The following BICC1 variants were observed in gnomAD, a reference collection of about 807,000 sequenced individuals.
The protein encoded by BICC1 is protein bicaudal C homolog 1.
BICC1 carries 43 observed loss-of-function variants against 111.0 expected under a neutral mutation model. That is an observed-to-expected ratio of 0.39 (90% CI 0.30 to 0.50). BICC1 has a LOEUF of 0.50. Among genes scored for constraint, BICC1 ranks in the 20% least tolerant of loss-of-function variants. BICC1 has a pLI of 0.88. For missense variants in BICC1, 1,091 were observed against 1,203.2 expected (o/e 0.91, Z 1.38); for synonymous variants, 467 against 434.4 (o/e 1.07, Z -0.93).
chr10:58,799,929 A>G (rs1406826455), intron 12 of BICC1, among the ~76,000 whole-genome samples: 1 of 152,114 alleles, frequency 6.6e-6, no homozygotes, highest in Non-Finnish European at 1.5e-5. Flanking sequence ...GAATCTGTAT[A>G]TTACTTTGGG....
At chr10:58,522,208 T>A (rs1842409616) in intron 1 of BICC1, among the ~76,000 whole-genome samples, 1 of 152,014 alleles carries the variant, frequency 6.6e-6, no homozygotes, top group African/African-American at 2.4e-5. Context: ...GCATTTGGTT[T>A]TCCTGCAGAC....
At chr10:58,698,945 A>G (rs1207352411) in intron 2 of BICC1, among the ~76,000 whole-genome samples, 1 of 152,206 alleles carries the variant, frequency 6.6e-6, no homozygotes, top group African/African-American at 2.4e-5. Flanking sequence ...ATGATGAACA[A>G]ATAAAGGATG....
intron 1 of BICC1, among the ~76,000 whole-genome samples, chr10:58,549,930 C>T (rs1359051069): frequency 1.3e-5 from 2 of 151,996 alleles, no homozygotes; most frequent in African/African-American, 4.8e-5. Flanking sequence ...CTCAGGTGAT[C>T]CACCTGCCTC....
At chr10:58,818,864 A>G (rs185153929) in intron 19 of BICC1, among the ~76,000 whole-genome samples, 1 of 152,272 alleles carries the variant, frequency 6.6e-6, no homozygotes, top group African/African-American at 2.4e-5. Flanking sequence ...ACAGAAGGTC[A>G]AAAAGCAAGA....
intron 1 of BICC1, among the ~76,000 whole-genome samples, chr10:58,583,584 CTGTGTGTGTGTGTGTG>C (rs3076149): frequency 3.7e-4 from 51 of 139,344 alleles, no homozygotes; most frequent in South Asian, 1.7e-3. Context: ...TTCTCTCTCT[CTGTGTGTGTGTGTGTG>C]TGTGTGTGTG....
intron 3 of BICC1, among the ~76,000 whole-genome samples, chr10:58,747,764 A>C (rs1841875443): frequency 6.6e-6 from 1 of 152,150 alleles, no homozygotes; most frequent in South Asian, 2.1e-4. Flanking sequence ...CTTAGTTTTT[A>C]AATATAAAAC....
At chr10:58,587,843 T>A (rs1264048966) in intron 1 of BICC1, among the ~76,000 whole-genome samples, 1 of 152,150 alleles carries the variant, frequency 6.6e-6, no homozygotes, top group Non-Finnish European at 1.5e-5. Context: ...CCTAGGGGTG[T>A]GTTTAAGGTT....
At chr10:58,580,874 G>A (rs1844262095) in intron 1 of BICC1, among the ~76,000 whole-genome samples, 1 of 152,132 alleles carries the variant, frequency 6.6e-6, no homozygotes, top group African/African-American at 2.4e-5. Flanking sequence ...TTCATGTTTA[G>A]TAAATTTTAA....
chr10:58,685,231 G>A (rs1839677954), intron 2 of BICC1, among the ~76,000 whole-genome samples: 1 of 152,168 alleles, frequency 6.6e-6, no homozygotes, highest in African/African-American at 2.4e-5. Context: ...TGTGGTCTGA[G>A]AGACAGTTTG....
At chr10:58,746,319 A>G (rs1255279719) in intron 3 of BICC1, among the ~76,000 whole-genome samples, 1 of 152,132 alleles carries the variant, frequency 6.6e-6, no homozygotes, top group African/African-American at 2.4e-5. Context: ...GTGCCTCAGC[A>G]TTTACAAATG....
intron 3 of BICC1, among the ~76,000 whole-genome samples, chr10:58,769,400 GTGTGTATATA>G (rs1256334607): frequency 9.4e-6 from 1 of 106,564 alleles, no homozygotes; most frequent in Non-Finnish European, 2.1e-5. Flanking sequence ...GTGTGTGTGT[GTGTGTATATA>G]TATATATATA....
intron 3 of BICC1, among the ~76,000 whole-genome samples, chr10:58,773,472 T>C (rs1180796920): frequency 1.3e-5 from 2 of 152,158 alleles, no homozygotes; most frequent in African/African-American, 4.8e-5. Context: ...TATTAATAGA[T>C]GATGAGGCAC....
At chr10:58,669,170 T>C (rs1588996945) in intron 2 of BICC1, among the ~76,000 whole-genome samples, 1 of 152,058 alleles carries the variant, frequency 6.6e-6, no homozygotes, top group Admixed American at 6.6e-5. Flanking sequence ...TTCTTTTTTT[T>C]TTAAATATAC....
intron 2 of BICC1, among the ~76,000 whole-genome samples, chr10:58,673,748 G>A (rs908357928): frequency 2.0e-5 from 3 of 151,198 alleles, no homozygotes; most frequent in South Asian, 2.1e-4. Context: ...CAGCTTCCCC[G>A]AGTAGCTGGG....
intron 2 of BICC1, among the ~76,000 whole-genome samples, chr10:58,682,040 C>T (rs1211203008): frequency 1.5e-5 from 2 of 136,658 alleles, no homozygotes; most frequent in African/African-American, 5.4e-5. Context: ...ATGACAGGCC[C>T]TGGTGTGTGA....
chr10:58,819,413 T>C (rs1844189921), intron 19 of BICC1, among the ~76,000 whole-genome samples: 1 of 152,200 alleles, frequency 6.6e-6, no homozygotes, highest in Non-Finnish European at 1.5e-5. Flanking sequence ...GTTTATGGCA[T>C]GTTGAAATTT....
At chr10:58,811,926 G>A (rs566411100) in intron 17 of BICC1, among the ~76,000 whole-genome samples, 1 of 152,318 alleles carries the variant, frequency 6.6e-6, no homozygotes, top group Non-Finnish European at 1.5e-5. Flanking sequence ...TGAAGCCGAG[G>A]TGGGTAGGGT....
intron 2 of BICC1, among the ~76,000 whole-genome samples, chr10:58,701,535 G>A (rs530924548): frequency 2.5e-4 from 38 of 152,158 alleles, no homozygotes; most frequent in Non-Finnish European, 4.4e-4. Flanking sequence ...AAAGGATGAT[G>A]GGGAATGCAG....
In BICC1 at chr10:58,656,076, C is replaced by T. The variant is rs181960174; in HGVS notation, c.237+35175C>T. Among the ~76,000 whole-genome samples, 283 of 152,274 alleles carry T rather than the reference C, an allele frequency of 1.9e-3. 3 individuals are homozygous for T. The East Asian group carries it at 0.029, about 16-fold the overall frequency. ...TCAGAGAATACTACAGACACCTCTA[C>T]GCAAATAAACTGGAAAATCTAGAAG... On this transcript the variant is annotated intron_variant, in intron 2 of 20. Transcript: ENST00000373886.
Sources: gnomAD v4.1 joint callset for allele counts (sites outside exome capture counted in the v4.1 genomes callset) on GRCh38, gnomAD v4.1.1 for gene constraint, MANE v1.5 for transcripts, NCBI Gene and HGNC (gene_info 2026-07-23, HGNC 2026-07-21) for gene names.